Variants in SORD observed in about 807,000 individuals in gnomAD.
SORD encodes (R,R)-butanediol dehydrogenase.
A neutral mutation model predicts 35.6 loss-of-function variants in SORD; 18 were observed. That is an observed-to-expected ratio of 0.51 (90% CI 0.35 to 0.75). SORD has a LOEUF of 0.75. SORD is among the 30% of genes least tolerant of loss of function. The pLI, the probability that SORD is intolerant of heterozygous loss-of-function variation, is 0.01. For missense variants in SORD, 250 were observed against 390.2 expected (o/e 0.64, Z 3.03); for synonymous variants, 106 against 152.9 (o/e 0.69, Z 2.26).
At chr15:45,038,313 G>A (rs145864051) in intron 1 of SORD, among the ~76,000 whole-genome samples, 2 of 152,256 alleles carry the variant, frequency 1.3e-5, no homozygotes, top group African/African-American at 2.4e-5. Flanking sequence ...CCATGGGTGG[G>A]TTCCTCAGTC....
intron 6 of SORD, 79 bp from the exon 7 acceptor site, chr15:45,068,798 C>G: frequency 7.0e-7 from 1 of 1,425,606 alleles, no homozygotes; most frequent in South Asian, 1.6e-5. Context: ...TCTTACATCT[C>G]CATTTTCTTT....
intron 1 of SORD, 21 bp downstream of exon 1, chr15:45,023,370 G>A: frequency 1.3e-6 from 2 of 1,547,478 alleles, no homozygotes; most frequent in South Asian, 1.2e-5. Flanking sequence ...AAGGAGGGTG[G>A]GAAGCATACC....
At chr15:45,026,655 A>G (rs1283477379) in intron 1 of SORD, among the ~76,000 whole-genome samples, 1 of 152,258 alleles carries the variant, frequency 6.6e-6, no homozygotes, top group Non-Finnish European at 1.5e-5. Flanking sequence ...TCTTTTCAAA[A>G]AATGTATAAA....
chr15:45,056,879 T>C lies in SORD; in HGVS notation c.266-4188T>C, dbSNP rs75534600. On this transcript the variant is annotated intron_variant, in intron 3 of 8. Coordinates refer to ENST00000267814, the MANE Select transcript of SORD (RefSeq NM_003104.6). Reference sequence around the variant, plus strand: ...TGGTTCCAGTCACAGGTGTAGTAATTGTGGGTACTTTAAGGTTTGGAGCAC... The same window carrying C: ...TGGTTCCAGTCACAGGTGTAGTAATCGTGGGTACTTTAAGGTTTGGAGCAC... Among the ~76,000 whole-genome samples, 55 of 152,322 alleles carry C rather than the reference T, an allele frequency of 3.6e-4. No homozygotes were observed. The East Asian group carries it at 9.4e-3, about 26-fold the overall frequency.
At chr15:45,060,216 C>T (rs1406437187) in intron 3 of SORD, among the ~76,000 whole-genome samples, 5 of 152,016 alleles carry the variant, frequency 3.3e-5, no homozygotes, top group Admixed American at 1.3e-4. Flanking sequence ...AGAGATGAGA[C>T]AGAGGGGTAG....
At chr15:45,042,519 T>TAAAGAAAGAAAG (rs781088294) in intron 2 of SORD, 38 of 149,800 alleles carry the variant, frequency 2.5e-4, no homozygotes, top group African/African-American at 9.6e-4. Flanking sequence ...AATAAATAAA[T>TAAAGAAAGAAAG]AAATAAATAA....
chr15:45,029,937 G>T (rs199844077), intron 1 of SORD, among the ~76,000 whole-genome samples: 31,081 of 150,522 alleles, frequency 0.21, no homozygotes, highest in African/African-American at 0.44. Flanking sequence ...GCGTATTGAT[G>T]GGTTTGTGAG....
intron 1 of SORD, among the ~76,000 whole-genome samples, chr15:45,038,635 G>A (rs777542474): frequency 2.6e-5 from 4 of 152,194 alleles, no homozygotes; most frequent in Admixed American, 6.5e-5. Context: ...GACAAGCAGT[G>A]TACCTGATGC....
chr15:45,037,255 G>A (rs1449499079), intron 1 of SORD, among the ~76,000 whole-genome samples: 3 of 152,248 alleles, frequency 2.0e-5, no homozygotes. Flanking sequence ...GCACCCTCTC[G>A]TGTCTGGGAG....
At chr15:45,032,747 C>T (rs1439085400) in intron 1 of SORD, among the ~76,000 whole-genome samples, 1 of 152,094 alleles carries the variant, frequency 6.6e-6, no homozygotes, top group Non-Finnish European at 1.5e-5. Context: ...ATTCTACCTC[C>T]TACTTTGACC....
chr15:45,023,789 G>C (rs1437300803), intron 1 of SORD, among the ~76,000 whole-genome samples: 1 of 152,202 alleles, frequency 6.6e-6, no homozygotes, highest in Admixed American at 6.5e-5. Flanking sequence ...TAACTCCCTT[G>C]CTTGGGACTG....
intron 7 of SORD, chr15:45,070,267 A>G: frequency 6.6e-6 from 1 of 152,212 alleles, no homozygotes. Flanking sequence ...TGGAGAGGGT[A>G]GCAGGCAGCC....
intron 5 of SORD, among the ~76,000 whole-genome samples, chr15:45,066,648 C>A (rs2854439): frequency 0.7 from 106,469 of 152,142 alleles, 42,931 homozygotes; most frequent in South Asian, 0.9. Context: ...CAGCCTTAGA[C>A]CAAATCATTC....
At chr15:45,034,892 C>T (rs1892836079) in intron 1 of SORD, among the ~76,000 whole-genome samples, 1 of 152,204 alleles carries the variant, frequency 6.6e-6, no homozygotes, top group Non-Finnish European at 1.5e-5. Flanking sequence ...GCTGGAGTTC[C>T]GGGTAGGCGT....
intron 1 of SORD, among the ~76,000 whole-genome samples, chr15:45,029,392 C>T (rs1024571934): frequency 1.3e-5 from 2 of 152,280 alleles, no homozygotes; most frequent in Admixed American, 1.3e-4. Flanking sequence ...CTGGGCCTAC[C>T]GTGCTCAACC....
intron 3 of SORD, among the ~76,000 whole-genome samples, chr15:45,056,769 A>G (rs1454097555): frequency 6.6e-6 from 1 of 152,226 alleles, no homozygotes; most frequent in Non-Finnish European, 1.5e-5. Context: ...CCAGTGTTCC[A>G]TATCTAAGCA....
chr15:45,055,126 C>T (rs1253564306), intron 3 of SORD, among the ~76,000 whole-genome samples: 5 of 151,620 alleles, frequency 3.3e-5, no homozygotes, highest in African/African-American at 4.9e-5. Context: ...CTTGGCGATG[C>T]GGGCTCTTTT....
rs1247117176 is a variant in SORD at position 45,055,464 on chromosome 15, C to T, written c.266-5603C>T. 2.6e-5 allele frequency among the ~76,000 whole-genome samples: 4 copies of T among 152,280 alleles called. No individual in the cohort carries two copies. The East Asian group carries it at 7.7e-4, about 29-fold the overall frequency. ...GGAAGAAGTTGAATCTCTGAATAGACCAATAACAGGCTCTGAAATTGTGGC... is the reference window on the plus strand; with the variant it reads ...GGAAGAAGTTGAATCTCTGAATAGATCAATAACAGGCTCTGAAATTGTGGC... On this transcript the variant is annotated intron_variant, in intron 3 of 8. Coordinates refer to ENST00000267814, the MANE Select transcript of SORD (RefSeq NM_003104.6).
intron 3 of SORD, among the ~76,000 whole-genome samples, chr15:45,059,951 T>C (rs1893276407): frequency 6.6e-6 from 1 of 152,136 alleles, no homozygotes. Context: ...GTCAAAACAT[T>C]GGTGTCCTCT....
Sources: gnomAD v4.1 joint callset for allele counts (sites outside exome capture counted in the v4.1 genomes callset) on GRCh38, gnomAD v4.1.1 for gene constraint, MANE v1.5 for transcripts, NCBI Gene and HGNC (gene_info 2026-07-23, HGNC 2026-07-21) for gene names.